CTNND2: variants seen among roughly 807,000 people sequenced by gnomAD.
CTNND2 encodes catenin delta 2.
CTNND2 carries 22 observed loss-of-function variants against 144.4 expected under a neutral mutation model. The observed-to-expected ratio is 0.15, with a 90% CI of 0.11 to 0.22. CTNND2 has a LOEUF of 0.22. Among genes scored for constraint, CTNND2 ranks in the 10% least tolerant of loss-of-function variants. The pLI, the probability that CTNND2 is intolerant of heterozygous loss-of-function variation, is 1.00. For synonymous variants in CTNND2, 751 were observed against 695.6 expected (o/e 1.08, Z -1.25); for missense variants, 1,353 against 1,618.8 (o/e 0.84, Z 2.82).
At chr5:11,571,569 T>C (rs1164130824) in intron 2 of CTNND2, among the ~76,000 whole-genome samples, 1 of 152,140 alleles carries the variant, frequency 6.6e-6, no homozygotes, top group Non-Finnish European at 1.5e-5. Context: ...CTCTAGTTTT[T>C]GGCATGGTGG....
chr5:11,639,330 T>C (rs1186173609), intron 2 of CTNND2, among the ~76,000 whole-genome samples: 2 of 152,136 alleles, frequency 1.3e-5, no homozygotes, highest in Non-Finnish European at 2.9e-5. Context: ...TGGCCTTTCC[T>C]AGGAGCTTGT....
At chr5:11,757,132 G>T (rs1380610253) in intron 1 of CTNND2, among the ~76,000 whole-genome samples, 1 of 151,150 alleles carries the variant, frequency 6.6e-6, no homozygotes, top group Non-Finnish European at 1.5e-5. Flanking sequence ...TATATGTAAA[G>T]GTACACACAT....
chr5:11,221,141 C>T (rs1367590042), intron 10 of CTNND2, among the ~76,000 whole-genome samples: 2 of 152,108 alleles, frequency 1.3e-5, no homozygotes, highest in Admixed American at 6.6e-5. Context: ...TAATGAGCAC[C>T]TATAGCTTTT....
chr5:11,434,581 T>G (rs1389401473), intron 3 of CTNND2, among the ~76,000 whole-genome samples: 1 of 152,224 alleles, frequency 6.6e-6, no homozygotes, highest in Non-Finnish European at 1.5e-5. Context: ...GGATGTGTAC[T>G]GATGCCTGTG....
chr5:11,223,363 C>A (rs1739994284), intron 10 of CTNND2, among the ~76,000 whole-genome samples: 1 of 152,194 alleles, frequency 6.6e-6, no homozygotes, highest in African/African-American at 2.4e-5. Flanking sequence ...AGGCAAGTCA[C>A]CAGCTCAGAA....
chr5:11,569,152 ACAGAGACTGCC>A (rs1490081847), intron 2 of CTNND2, among the ~76,000 whole-genome samples: 5 of 152,168 alleles, frequency 3.3e-5, no homozygotes, highest in Non-Finnish European at 7.3e-5. Context: ...AAAATGTAAT[ACAGAGACTGCC>A]CAGAGACATT....
intron 3 of CTNND2, among the ~76,000 whole-genome samples, chr5:11,429,978 G>A (rs980000808): frequency 6.6e-6 from 1 of 152,108 alleles, no homozygotes; most frequent in African/African-American, 2.4e-5. Flanking sequence ...GGGGCCAGGT[G>A]CAGTGGCTCA....
intron 2 of CTNND2, among the ~76,000 whole-genome samples, chr5:11,574,399 T>C (rs1201583049): frequency 1.3e-5 from 2 of 152,080 alleles, no homozygotes; most frequent in African/African-American, 4.8e-5. Context: ...TAACAAGCGG[T>C]CTAACCCACA....
intron 1 of CTNND2, among the ~76,000 whole-genome samples, chr5:11,833,622 G>A (rs1454717087): frequency 6.6e-6 from 1 of 152,012 alleles, no homozygotes; most frequent in African/African-American, 2.4e-5. Context: ...CTCCCAGGTT[G>A]AAGCGATTCT....
chr5:11,061,867 C>A (rs1033322969), intron 16 of CTNND2, among the ~76,000 whole-genome samples: 1 of 152,114 alleles, frequency 6.6e-6, no homozygotes, highest in Non-Finnish European at 1.5e-5. Flanking sequence ...CACTACCACA[C>A]CCGGCTAATT....
At chr5:11,721,935 G>A (rs747505355) in intron 2 of CTNND2, among the ~76,000 whole-genome samples, 2 of 152,190 alleles carry the variant, frequency 1.3e-5, no homozygotes, top group Non-Finnish European at 2.9e-5. Flanking sequence ...CTCATCACAA[G>A]AAGGATGGGA....
intron 2 of CTNND2, among the ~76,000 whole-genome samples, chr5:11,719,638 T>C (rs560592615): frequency 6.6e-6 from 1 of 152,252 alleles, no homozygotes; most frequent in South Asian, 2.1e-4. Flanking sequence ...TACTAATAAG[T>C]AGATTTTACT....
rs147106991 is a variant in CTNND2 at position 11,491,932 on chromosome 5, G to A, written c.287+73012C>T. 3.8e-3 allele frequency among the ~76,000 whole-genome samples: 577 copies of A among 152,224 alleles called. 4 individuals carry two copies. Among genetic ancestry groups the A allele is most frequent in the African/African-American group, 0.013 (540 of 41,532 alleles). The stretch of plus-strand genomic sequence containing the variant: ...GACACTCTGCTGTCACCAAAACACT[G>A]CTATTTCATGCATGAAAACTTGCTT... On this transcript the variant is annotated intron_variant, in intron 3 of 21. Transcript: ENST00000304623.
chr5:11,593,845 G>C (rs576469985), intron 2 of CTNND2, among the ~76,000 whole-genome samples: 2 of 151,488 alleles, frequency 1.3e-5, no homozygotes, highest in South Asian at 4.2e-4. Context: ...TACTCACCAG[G>C]GTACAAAATT....
intron 1 of CTNND2, among the ~76,000 whole-genome samples, chr5:11,899,794 G>C (rs147997665): frequency 6.6e-6 from 1 of 152,102 alleles, no homozygotes; most frequent in South Asian, 2.1e-4. Flanking sequence ...AAGAAACTGA[G>C]TTAACAACTG....
chr5:11,663,911 A>T (rs1466262398), intron 2 of CTNND2, among the ~76,000 whole-genome samples: 1 of 152,178 alleles, frequency 6.6e-6, no homozygotes, highest in Non-Finnish European at 1.5e-5. Context: ...ATTTAATGAT[A>T]CTAAAAGGGA....
At chr5:11,619,550 T>G in intron 2 of CTNND2, among the ~76,000 whole-genome samples, 1 of 152,202 alleles carries the variant, frequency 6.6e-6, no homozygotes, top group Middle Eastern at 3.2e-3. Context: ...TTAAATCCTA[T>G]GTACAGGAGT....
chr5:11,459,171 T>C (rs201472229), intron 3 of CTNND2, among the ~76,000 whole-genome samples: 2 of 152,200 alleles, frequency 1.3e-5, no homozygotes, highest in East Asian at 1.9e-4. Flanking sequence ...TTAGTGGCTA[T>C]TACAAGTTTT....
At chr5:11,009,821 C>G (rs1312627399) in intron 18 of CTNND2, among the ~76,000 whole-genome samples, 1 of 152,172 alleles carries the variant, frequency 6.6e-6, no homozygotes, top group Non-Finnish European at 1.5e-5. Flanking sequence ...TTGATTTCCA[C>G]TTTTGCACAA....
Sources: gnomAD v4.1 joint callset for allele counts (sites outside exome capture counted in the v4.1 genomes callset) on GRCh38, gnomAD v4.1.1 for gene constraint, MANE v1.5 for transcripts, NCBI Gene and HGNC (gene_info 2026-07-23, HGNC 2026-07-21) for gene names.